The following MYO3B variants were observed in gnomAD, a reference collection of about 807,000 sequenced individuals.
MYO3B encodes myosin-IIIb.
In MYO3B, 156 loss-of-function variants were observed where a neutral mutation model predicts 174.6. That is an observed-to-expected ratio of 0.89 (90% CI 0.78 to 1.02). The LOEUF (loss-of-function observed/expected upper bound fraction) is 1.02, where lower values mean the gene tolerates loss of function less well. Ranked by LOEUF, MYO3B falls within the 50% of genes least tolerant of loss-of-function variation. The pLI is 0.00. For missense variants in MYO3B, 1,632 were observed against 1,639.4 expected (o/e 1.00, Z 0.08); for synonymous variants, 563 against 569.1 (o/e 0.99, Z 0.15).
chr2:170,405,440 T>A, intron 20 of MYO3B, 105 bp from the exon 21 acceptor site: 1 of 960,468 alleles, frequency 1.0e-6, no homozygotes, highest in Non-Finnish European at 1.6e-6. Context: ...CAAGGCCTTA[T>A]TCTGAAAGCC....
chr2:170,253,499 G>A (rs2093275116), intron 7 of MYO3B, among the ~76,000 whole-genome samples: 1 of 152,146 alleles, frequency 6.6e-6, no homozygotes, highest in African/African-American at 2.4e-5. Flanking sequence ...GTATGCAGTT[G>A]ATACAAGTCT....
At chr2:170,429,340 G>A (rs1558992501) in intron 22 of MYO3B, among the ~76,000 whole-genome samples, 1 of 152,126 alleles carries the variant, frequency 6.6e-6, no homozygotes, top group Non-Finnish European at 1.5e-5. Context: ...CTAGTAGCTC[G>A]TATCCAAACC....
chr2:170,299,462 C>CTT (rs370600650), intron 7 of MYO3B, among the ~76,000 whole-genome samples: 12 of 148,648 alleles, frequency 8.1e-5, no homozygotes, highest in Admixed American at 3.4e-4. Flanking sequence ...AATGAAATTT[C>CTT]TTTTTTTTTT....
At chr2:170,365,773 CTG>C (rs1253527698) in intron 8 of MYO3B, among the ~76,000 whole-genome samples, 19 of 152,084 alleles carry the variant, frequency 1.2e-4, no homozygotes, top group Non-Finnish European at 7.4e-5. Context: ...TGTGCTGATC[CTG>C]TGGTATGATG....
At chr2:170,481,516 C>T (rs1343631731) in intron 25 of MYO3B, among the ~76,000 whole-genome samples, 3 of 152,114 alleles carry the variant, frequency 2.0e-5, no homozygotes, top group African/African-American at 7.2e-5. Context: ...GTCAAGGCTG[C>T]AGTGAGCTGT....
intron 3 of MYO3B, among the ~76,000 whole-genome samples, chr2:170,211,797 G>C (rs1574585554): frequency 6.6e-6 from 1 of 152,214 alleles, no homozygotes; most frequent in South Asian, 2.1e-4. Context: ...AGCAAAGTTT[G>C]CTGTTGGCCA....
intron 25 of MYO3B, 26 bp from the exon 26 acceptor site, chr2:170,498,566 C>T (rs767365233): frequency 2.0e-6 from 3 of 1,517,832 alleles, no homozygotes; most frequent in South Asian, 1.1e-5. Context: ...ACTGAAAAGG[C>T]TTCACTTAAT....
chr2:170,353,326 G>T (rs1310947650), intron 8 of MYO3B, among the ~76,000 whole-genome samples: 1 of 151,892 alleles, frequency 6.6e-6, no homozygotes, highest in African/African-American at 2.4e-5. Flanking sequence ...TATACTGTAG[G>T]ATTCCAATTA....
At chr2:170,559,976 A>G (rs1303716214) in intron 32 of MYO3B, among the ~76,000 whole-genome samples, 1 of 152,164 alleles carries the variant, frequency 6.6e-6, no homozygotes, top group East Asian at 1.9e-4. Flanking sequence ...CTGGGTCAGG[A>G]CTTATCCAAA....
chr2:170,457,989 A>G (rs1216141952), intron 23 of MYO3B, among the ~76,000 whole-genome samples: 1 of 152,170 alleles, frequency 6.6e-6, no homozygotes, highest in Non-Finnish European at 1.5e-5. Context: ...CCTGACCTCA[A>G]GTGGTCCACG....
rs541543133 is a variant in MYO3B, at chr2:170,428,384, C to T, written c.2651-15583C>T. ...TTTTATTGTCTTTATTTTGTTCTTTCTTATTTCCCCCACTTCAGGGGTCTT... is the reference window on the plus strand; with the variant it reads ...TTTTATTGTCTTTATTTTGTTCTTTTTTATTTCCCCCACTTCAGGGGTCTT... On this transcript the variant is annotated intron_variant, in intron 22 of 34. Coordinates refer to ENST00000408978, the MANE Select transcript of MYO3B (RefSeq NM_138995.5). Among the ~76,000 whole-genome samples, 9 of 152,268 alleles carry T rather than the reference C, an allele frequency of 5.9e-5. No homozygotes were observed. The South Asian group carries it at 1.7e-3, about 28-fold the overall frequency.
intron 32 of MYO3B, among the ~76,000 whole-genome samples, chr2:170,546,444 C>T (rs1214679022): frequency 1.3e-5 from 2 of 152,184 alleles, no homozygotes; most frequent in African/African-American, 4.8e-5. Context: ...TCTAACAATC[C>T]TAGAACAAAG....
chr2:170,351,834 G>C (rs2094073316), intron 8 of MYO3B, among the ~76,000 whole-genome samples: 1 of 152,184 alleles, frequency 6.6e-6, no homozygotes, highest in Admixed American at 6.5e-5. Context: ...ACTACTAACT[G>C]TAAGAAGGAA....
intron 32 of MYO3B, among the ~76,000 whole-genome samples, chr2:170,596,696 G>A (rs1320909187): frequency 3.3e-5 from 5 of 152,114 alleles, no homozygotes; most frequent in Middle Eastern, 6.8e-3. Flanking sequence ...GAAACCTCCC[G>A]CTGCCCCCCC....
At chr2:170,329,532 C>T (rs2093896658) in intron 7 of MYO3B, among the ~76,000 whole-genome samples, 1 of 151,366 alleles carries the variant, frequency 6.6e-6, no homozygotes. Flanking sequence ...AGGTGCAGGC[C>T]ACCACACCTG....
intron 32 of MYO3B, chr2:170,602,279 G>C: frequency 1.3e-6 from 1 of 749,756 alleles, no homozygotes; most frequent in Non-Finnish European, 2.4e-6. Flanking sequence ...TGCCCGTCCG[G>C]CTCTCACTTG....
chr2:170,447,836 G>C (rs1291142946), intron 23 of MYO3B, among the ~76,000 whole-genome samples: 3 of 152,212 alleles, frequency 2.0e-5, no homozygotes, highest in African/African-American at 7.2e-5. Context: ...AGTCAATCAG[G>C]AGTTCTGATT....
intron 30 of MYO3B, among the ~76,000 whole-genome samples, chr2:170,537,902 A>T (rs1190458651): frequency 6.6e-6 from 1 of 152,354 alleles, no homozygotes; most frequent in Non-Finnish European, 1.5e-5. Flanking sequence ...AACAAAAATC[A>T]ACCAACATTG....
intron 32 of MYO3B, among the ~76,000 whole-genome samples, chr2:170,545,531 A>G (rs996769412): frequency 2.6e-5 from 4 of 152,240 alleles, no homozygotes; most frequent in African/African-American, 7.2e-5. Flanking sequence ...TAAGGCATTA[A>G]GTTTTGGTGT....
Sources: gnomAD v4.1 joint callset for allele counts (sites outside exome capture counted in the v4.1 genomes callset) on GRCh38, gnomAD v4.1.1 for gene constraint, MANE v1.5 for transcripts, NCBI Gene and HGNC (gene_info 2026-07-23, HGNC 2026-07-21) for gene names.